Variants in DOCK8 observed in about 807,000 individuals in gnomAD.
The protein encoded by DOCK8 is dedicator of cytokinesis 8.
In DOCK8, 141 loss-of-function variants were observed where a neutral mutation model predicts 245.6. The ratio of observed to expected loss-of-function variants is 0.57; its 90% CI spans 0.50 to 0.66. DOCK8 has a LOEUF of 0.66. Ranked by LOEUF, DOCK8 falls within the 30% of genes least tolerant of loss-of-function variation. The pLI, the probability that DOCK8 is intolerant of heterozygous loss-of-function variation, is 0.00. For synonymous variants in DOCK8, 1,168 were observed against 970.2 expected (o/e 1.20, Z -3.79); for missense variants, 2,965 against 2,603.4 (o/e 1.14, Z -3.02).
In DOCK8 at chr9:389,113, A is replaced by G. The variant is rs79129265; in HGVS notation, c.2875-1358A>G. 3.2e-3 allele frequency among the ~76,000 whole-genome samples: 482 copies of G among 152,306 alleles called. 4 individuals carry two copies. The highest frequency in any genetic ancestry group is 0.011 in the African/African-American group (464 of 41,578). On this transcript the variant is annotated intron_variant, in intron 23 of 47. Coordinates refer to ENST00000432829, the MANE Select transcript of DOCK8 (RefSeq NM_203447.4). ...TTTTTGGCATTAATTAGGGTGACCA[A>G]CTGTTCTCATTTGCCCAGGACTGAG...
At chr9:406,839 C>T in intron 27 of DOCK8, 91 bp from the exon 28 acceptor site, 7 of 1,577,160 alleles carry the variant, frequency 4.4e-6, no homozygotes, top group South Asian at 1.1e-5. Context: ...CTCACGAAGC[C>T]TGGCTGGGGC....
In DOCK8 at chr9:429,688, T is replaced by G. The variant is rs766742716; in HGVS notation, c.4474-14T>G. On this transcript the variant is annotated splice_polypyrimidine_tract_variant and intron_variant, in intron 35 of 47. Transcript: ENST00000432829. ...TGCCAAGTGATGCCTAATGGCCCTT[T>G]ATGTCTCTCCTAGTTTGGAGACTTA... The G allele has an allele frequency of 6.2e-7, 1 of 1,614,202 alleles. No individual in the cohort carries two copies. Among genetic ancestry groups the G allele is most frequent in the East Asian group, 2.2e-5 (1 of 44,884 alleles).
intron 1 of DOCK8, among the ~76,000 whole-genome samples, chr9:262,360 G>C (rs531952658): frequency 1.6e-4 from 25 of 151,534 alleles, no homozygotes; most frequent in South Asian, 6.3e-4. Context: ...TCCATATAAA[G>C]ATTTGAACAC....
intron 1 of DOCK8, among the ~76,000 whole-genome samples, chr9:249,024 T>G (rs543452237): frequency 6.6e-6 from 1 of 152,342 alleles, no homozygotes; most frequent in East Asian, 1.9e-4. Flanking sequence ...GGTCCCACTC[T>G]TCCAGGTTGA....
rs979358768 is a variant in DOCK8 at position 399,401 on chromosome 9, C to T, written c.3234+142C>T. On this transcript the variant is annotated intron_variant, in intron 26 of 47. Coordinates refer to ENST00000432829, the MANE Select transcript of DOCK8 (RefSeq NM_203447.4). ...CACATCCTGTGTTTTGCAGCACGTC[C>T]CTCATGTCTGTGCCATGGACATTCC... The T allele has an allele frequency of 4.2e-6, 3 of 709,530 alleles. No homozygotes were observed. The African/African-American group carries it at 5.3e-5, about 12-fold the overall frequency. The allele number at this position is 709,530 out of a possible 1,614,324, so 44.0% of individuals were successfully genotyped here. A position where few individuals can be genotyped will look rare whatever the true frequency, so the allele number is the denominator to read the frequency against.
chr9:410,247 C>A (rs2055658646), intron 28 of DOCK8, among the ~76,000 whole-genome samples: 1 of 152,058 alleles, frequency 6.6e-6, no homozygotes, highest in African/African-American at 2.4e-5. Flanking sequence ...ATTCCATTAT[C>A]CTCTCTCAGT....
Position 400,917 on chromosome 9 carries a change from TCACCATCACCACAACATCCACCAC to T in DOCK8, c.3234+1671_3234+1694del, listed in dbSNP as rs1359110828. On this transcript the variant is annotated intron_variant, in intron 26 of 47. Coordinates refer to ENST00000432829, the MANE Select transcript of DOCK8 (RefSeq NM_203447.4). The stretch of plus-strand genomic sequence containing the variant: ...ACCTCCCCCACTACCAACAGCTCCT[TCACCATCACCACAACATCCACCAC>T]CACCATCACCACCACCACCACCACC... 1.2e-4 allele frequency among the ~76,000 whole-genome samples: 6 copies of T among 49,672 alleles called. 1 individual carries two copies. The highest frequency in any genetic ancestry group is 4.1e-4 in the Admixed American group (2 of 4,842). The allele number at this position is 49,672 out of a possible 152,430, so 32.6% of individuals were successfully genotyped here.
intron 2 of DOCK8, among the ~76,000 whole-genome samples, chr9:285,928 A>G (rs2048806343): frequency 6.6e-6 from 1 of 152,158 alleles, no homozygotes; most frequent in Non-Finnish European, 1.5e-5. Flanking sequence ...AGCCACCGAA[A>G]CACTCGGTGT....
rs545262461 is a variant in DOCK8, at chr9:382,603, G to A, written c.2696G>A (p.Arg899Gln). The A allele has an allele frequency of 8.7e-6, 14 of 1,614,152 alleles. No homozygotes were observed. Among genetic ancestry groups the A allele is most frequent in the East Asian group, 2.2e-5 (1 of 44,890 alleles). Residue 899 changes from arginine (R) to glutamine (Q), a missense_variant, in exon 22 of 48, where the codon CGG becomes CAG. Arg to Gln is a conservative substitution (Grantham distance 43). Coordinates refer to ENST00000432829, the MANE Select transcript of DOCK8 (RefSeq NM_203447.4). The stretch of plus-strand genomic sequence containing the variant: ...GTGAGTTCAAAGCTGCTGCAGGCCC[G>A]GGTGATGAGCAGCAGTAACCCAGAC... The part of the protein sequence containing the change: ...AAVSSKLLQA[R>Q]VMSSSNPDLA...
intron 1 of DOCK8, among the ~76,000 whole-genome samples, chr9:217,327 C>G (rs2046778767): frequency 6.6e-6 from 1 of 152,172 alleles, no homozygotes; most frequent in South Asian, 2.1e-4. Context: ...AGTTGGAGAG[C>G]TTCAGGCAGA....
rs377068395 is a variant in DOCK8 at position 215,291 on chromosome 9, G to C, written c.53+262G>C. 8.1e-6 allele frequency: 13 copies of C among 1,608,468 alleles called. No homozygotes were observed. Among genetic ancestry groups the C allele is most frequent in the Non-Finnish European group, 1.1e-5 (13 of 1,177,808 alleles). On this transcript the variant is annotated intron_variant, in intron 1 of 47. Transcript: ENST00000432829. ...CTCAGCCGCCGGGGATCCCTTCCCC[G>C]AACAACCTCGCCCGCTCCGCCCTCC...
chr9:317,731 G>C (rs1047789581), intron 7 of DOCK8, among the ~76,000 whole-genome samples: 2 of 152,224 alleles, frequency 1.3e-5, no homozygotes, highest in Admixed American at 1.3e-4. Flanking sequence ...GCTAGCAACA[G>C]ACTCTTGCCA....
At chr9:238,984 C>G (rs748426988) in intron 1 of DOCK8, among the ~76,000 whole-genome samples, 3 of 152,136 alleles carry the variant, frequency 2.0e-5, no homozygotes, top group Admixed American at 2.0e-4. Flanking sequence ...CACACCGATT[C>G]ACCTACTCTG....
chr9:370,307 C>T lies in DOCK8; in HGVS notation c.1868+7C>T. ...CTGTTACATACCATAATAAGTAAGT[C>T]TATTTCAGCATTCTAAATATATGCC... is the stretch of plus-strand genomic sequence containing the variant. On this transcript the variant is annotated splice_region_variant and intron_variant, in intron 16 of 47. Coordinates refer to ENST00000432829, the MANE Select transcript of DOCK8 (RefSeq NM_203447.4). 1 of 1,612,858 alleles carries T rather than the reference C, an allele frequency of 6.2e-7. No homozygotes were observed. Among genetic ancestry groups the T allele is most frequent in the Non-Finnish European group, 8.5e-7 (1 of 1,178,822 alleles).
Position 214,913 on chromosome 9 carries a change from G to T in DOCK8, c.-64G>T. The T allele has an allele frequency of 1.2e-6, 2 of 1,603,600 alleles. No homozygotes were observed. The highest frequency in any genetic ancestry group is 1.4e-5 in the African/African-American group (1 of 73,546). On this transcript the variant is annotated 5_prime_UTR_variant, in exon 1 of 48. Coordinates refer to ENST00000432829, the MANE Select transcript of DOCK8 (RefSeq NM_203447.4). ...TGGGCATGTTCCGCGGCTACTCTGC[G>T]GCGCGCCAGGCCCCCGCTTTCCGCA...
At chr9:373,810 C>T (rs1402428382) in intron 18 of DOCK8, among the ~76,000 whole-genome samples, 1 of 152,182 alleles carries the variant, frequency 6.6e-6, no homozygotes, top group African/African-American at 2.4e-5. Context: ...CGAGTATGTC[C>T]ACAGACATTT....
At chr9:265,320 G>A (rs1278868357) in intron 1 of DOCK8, among the ~76,000 whole-genome samples, 1 of 152,170 alleles carries the variant, frequency 6.6e-6, no homozygotes, top group Non-Finnish European at 1.5e-5. Context: ...ACCTTTCACT[G>A]CTTATTTGAT....
At chr9:458,914 C>T (rs762348603) in intron 46 of DOCK8, among the ~76,000 whole-genome samples, 1 of 152,200 alleles carries the variant, frequency 6.6e-6, no homozygotes, top group African/African-American at 2.4e-5. Context: ...CAAAATGTTA[C>T]TGCCATCAAA....
intron 38 of DOCK8, 90 bp downstream of exon 38, chr9:434,065 A>T (rs532267305): frequency 1.1e-6 from 1 of 913,026 alleles, no homozygotes; most frequent in Non-Finnish European, 1.8e-6. Flanking sequence ...ATCACAGCTA[A>T]CATGGATATA....
Sources: gnomAD v4.1 joint callset for allele counts (sites outside exome capture counted in the v4.1 genomes callset) on GRCh38, gnomAD v4.1.1 for gene constraint, MANE v1.5 for transcripts, NCBI Gene and HGNC (gene_info 2026-07-23, HGNC 2026-07-21) for gene names.